WDR59: variants seen among roughly 807,000 people sequenced by gnomAD.
WDR59 encodes WD repeat domain 59, also known as GATOR2 complex protein WDR59.
In WDR59, 100 loss-of-function variants were observed where a neutral mutation model predicts 131.2. The observed-to-expected ratio is 0.76, with a 90% confidence interval of 0.65 to 0.90. The LOEUF (loss-of-function observed/expected upper bound fraction) is 0.90, where lower values mean the gene tolerates loss of function less well. Ranked by LOEUF, WDR59 falls within the 40% of genes least tolerant of loss-of-function variation. The pLI is 0.00. For missense variants in WDR59, 1,203 were observed against 1,262.2 expected (o/e 0.95, Z 0.71); for synonymous variants, 601 against 466.2 (o/e 1.29, Z -3.72).
In WDR59 at chr16:74,886,250, TCA is replaced by T; in HGVS notation, c.2546+18_2546+19del. ...GCCTGGAGTCCTGGCATTGCAGCTC[TCA>T]CCTGGGAGGGTGGTTACCTTTTATT... On this transcript the variant is annotated intron_variant, in intron 24 of 25. Transcript: ENST00000262144. 1 of 1,595,122 alleles carries T rather than the reference TCA, an allele frequency of 6.3e-7. No homozygotes were observed.
intron 1 of WDR59, chr16:74,979,198 G>C (rs1444850872): frequency 1.3e-4 from 7 of 55,466 alleles, no homozygotes; most frequent in Non-Finnish European, 2.1e-4. Flanking sequence ...GTGATGCTCT[G>C]GGCCAGGCGC....
In WDR59 at chr16:74,903,313, C is replaced by A. The variant is rs548849325; in HGVS notation, c.1866+634G>T. 5.3e-5 allele frequency among the ~76,000 whole-genome samples: 8 copies of A among 152,312 alleles called. No individual in the cohort carries two copies. The South Asian group carries it at 1.4e-3, about 28-fold the overall frequency. On this transcript the variant is annotated intron_variant, in intron 18 of 25. Coordinates refer to ENST00000262144, the MANE Select transcript of WDR59 (RefSeq NM_030581.4). ...AAGCCAGACCTGCAATCTGTCAACA[C>A]AGAAAGCTTTCTCTGCCAACTTTCT...
chr16:74,909,514 C>G lies in WDR59; in HGVS notation c.1629G>C (p.Arg543Ser). The change falls in exon 16 of 26, where the codon AGG becomes AGC. Residue 543 changes from arginine to serine, a missense_variant. Transcript: ENST00000262144. Reference protein sequence around the residue: ...NIPFPRTSGARFCGAGYLVYF... With the variant: ...NIPFPRTSGASFCGAGYLVYF... ...AAAGAGACCCACCTGCTCCGCAGAA[C>G]CTGGCCCCAGAAGTCCTAGGAAAGG... 1 of 1,581,064 alleles carries G rather than the reference C, an allele frequency of 6.3e-7. No individual in the cohort carries two copies. The highest frequency in any genetic ancestry group is 8.6e-7 in the Non-Finnish European group (1 of 1,166,750).
rs1386893173 is a variant in WDR59 at position 74,918,005 on chromosome 16, G to A, written c.890C>T (p.Ser297Phe). Reference protein sequence around the residue: ...EFQWRKQKEGSKDYQLVTWSR... With the variant: ...EFQWRKQKEGFKDYQLVTWSR... ...CCACGTCACCAGTTGATAGTCCTTG[G>A]ACCCTAGAAATCACCAAATAAGAAT... Residue 297 changes from serine to phenylalanine, a missense_variant, in exon 11 of 26, where the codon TCC becomes TTC. Ser to Phe is a radical substitution (Grantham distance 155, BLOSUM62 -2). Coordinates refer to ENST00000262144, the MANE Select transcript of WDR59 (RefSeq NM_030581.4). 2.5e-6 allele frequency: 4 copies of A among 1,613,406 alleles called. No individual in the cohort carries two copies. The highest frequency in any genetic ancestry group is 2.2e-5 in the South Asian group (2 of 91,016).
chr16:74,916,511 A>T (rs1477781234), intron 11 of WDR59, among the ~76,000 whole-genome samples: 1 of 152,166 alleles, frequency 6.6e-6, no homozygotes, highest in Non-Finnish European at 1.5e-5. Context: ...TCAGAAAAAA[A>T]ATTAATTTAA....
chr16:74,953,856 G>C (rs772279367), intron 3 of WDR59, among the ~76,000 whole-genome samples: 7 of 151,912 alleles, frequency 4.6e-5, no homozygotes, highest in Non-Finnish European at 7.4e-5. Context: ...AAAAAAATTA[G>C]CCGGGCATGG....
At chr16:74,937,033 G>C (rs2031854723) in intron 8 of WDR59, among the ~76,000 whole-genome samples, 1 of 151,974 alleles carries the variant, frequency 6.6e-6, no homozygotes, top group African/African-American at 2.4e-5. Flanking sequence ...ATACAACAAA[G>C]CATTAAATAA....
At chr16:74,910,728 T>A (rs2144932066) in intron 14 of WDR59, among the ~76,000 whole-genome samples, 1 of 152,342 alleles carries the variant, frequency 6.6e-6, no homozygotes, top group South Asian at 2.1e-4. Context: ...ACACTAAGCT[T>A]GTGGGAGTTA....
At chr16:74,938,396 CTTTGTTTGTTTTGG>C in intron 7 of WDR59, 130 bp from the exon 8 acceptor site, 1 of 564,984 alleles carries the variant, frequency 1.8e-6, no homozygotes, top group Non-Finnish European at 2.9e-6. Context: ...CCTACACAGA[CTTTGTTTGTTTTGG>C]TTAAGCCAAA....
chr16:74,964,179 G>T (rs2033672400), intron 2 of WDR59, among the ~76,000 whole-genome samples: 1 of 152,158 alleles, frequency 6.6e-6, no homozygotes, highest in African/African-American at 2.4e-5. Context: ...AGGAGTTCAA[G>T]ATCAGCCTGG....
chr16:74,904,147 T>A, intron 17 of WDR59, 47 bp from the exon 18 acceptor site: 1 of 1,583,110 alleles, frequency 6.3e-7, no homozygotes, highest in Non-Finnish European at 8.6e-7. Flanking sequence ...AGTCCTGTCA[T>A]ATTTCCAAGT....
chr16:74,951,588 T>C lies in WDR59; in HGVS notation c.241-45A>G, dbSNP rs1275322170. ...GGCCACAGGCAAGTATGTTGGGATATATGGTCTTGCCCCAATCAGCTTAAG... is the reference window on the plus strand; with the variant it reads ...GGCCACAGGCAAGTATGTTGGGATACATGGTCTTGCCCCAATCAGCTTAAG... On this transcript the variant is annotated intron_variant, in intron 3 of 25. Coordinates refer to ENST00000262144, the MANE Select transcript of WDR59 (RefSeq NM_030581.4). The C allele has an allele frequency of 1.1e-5, 17 of 1,523,166 alleles. No individual in the cohort carries two copies. The South Asian group carries it at 1.8e-4, about 16-fold the overall frequency. The allele number at this position is 1,523,166 out of a possible 1,614,324, so 94.4% of individuals were successfully genotyped here.
At chr16:74,951,772 A>T (rs946101743) in intron 3 of WDR59, among the ~76,000 whole-genome samples, 4 of 152,190 alleles carry the variant, frequency 2.6e-5, no homozygotes, top group African/African-American at 9.6e-5. Context: ...AGGCAGGACT[A>T]TCTTAAGAGA....
At chr16:74,976,897 C>G (rs2047628717) in intron 1 of WDR59, among the ~76,000 whole-genome samples, 1 of 151,930 alleles carries the variant, frequency 6.6e-6, no homozygotes, top group Non-Finnish European at 1.5e-5. Flanking sequence ...TTTCCAACTA[C>G]TTAAGAGGCC....
intron 18 of WDR59, among the ~76,000 whole-genome samples, chr16:74,894,444 C>T (rs1597657442): frequency 6.6e-6 from 1 of 152,118 alleles, no homozygotes; most frequent in Non-Finnish European, 1.5e-5. Context: ...TATTCGATTT[C>T]CCCAGGCTTA....
At chr16:74,975,928 A>T (rs767620911) in intron 1 of WDR59, among the ~76,000 whole-genome samples, 5 of 152,008 alleles carry the variant, frequency 3.3e-5, no homozygotes, top group African/African-American at 4.8e-5. Flanking sequence ...AGGTGGGAGG[A>T]TCACTTAAAC....
chr16:74,984,692 C>G, intron 1 of WDR59: 1 of 524,542 alleles, frequency 1.9e-6, no homozygotes, highest in East Asian at 3.2e-5. Flanking sequence ...TCAGCACTCA[C>G]GATGCGCAGT....
In WDR59 at chr16:74,873,942, C is replaced by T; in HGVS notation, c.*267G>A. 2.2e-6 allele frequency: 1 copy of T among 446,590 alleles called. No homozygotes were observed. Among genetic ancestry groups the T allele is most frequent in the Non-Finnish European group, 4.1e-6 (1 of 244,884 alleles). 27.7% of individuals were successfully genotyped at this position (446,590 alleles called of 1,614,324 possible). A position where few individuals can be genotyped will look rare whatever the true frequency, so the allele number is the denominator to read the frequency against. On this transcript the variant is annotated 3_prime_UTR_variant, in exon 26 of 26. Transcript: ENST00000262144. Reference sequence around the variant, plus strand: ...TGCTTTTCTCCATGAAAACTTCCACCTTGGTAGCTCAGCCGACATAGACAA... The same window carrying T: ...TGCTTTTCTCCATGAAAACTTCCACTTTGGTAGCTCAGCCGACATAGACAA...
intron 2 of WDR59, chr16:74,959,305 C>G (rs16951273): frequency 0.41 from 109,739 of 266,952 alleles, 23,438 homozygotes; most frequent in East Asian, 0.72. Flanking sequence ...CAAAACTCTG[C>G]AGACAATGAC....
Sources: allele counts gnomAD v4.1 joint callset (sites outside exome capture counted in the v4.1 genomes callset), GRCh38; gene constraint gnomAD v4.1.1; transcripts MANE v1.5; gene names NCBI Gene and HGNC (gene_info 2026-07-23, HGNC 2026-07-21).